TRMT1L: variants seen among roughly 807,000 people sequenced by gnomAD.
TRMT1L encodes tRNA methyltransferase 1L, also known as tRNA (guanine(27)-N(2))-dimethyltransferase.
Under a neutral mutation model 81.6 loss-of-function variants are expected in TRMT1L, and 28 were observed. The ratio of observed to expected loss-of-function variants is 0.34; its 90% confidence interval spans 0.25 to 0.47. The LOEUF (loss-of-function observed/expected upper bound fraction) is 0.47. Among genes scored for constraint, TRMT1L ranks in the 20% least tolerant of loss-of-function variants. TRMT1L has a pLI of 1.00. For missense variants in TRMT1L, 739 were observed against 877.1 expected, an observed-to-expected ratio of 0.84 and a Z score of 1.99; for synonymous variants, 301 against 303.2, an observed-to-expected ratio of 0.99 and a Z score of 0.07.
chr1:185,120,577 T>C (rs1020504746), intron 13 of TRMT1L, 68 bp from the exon 14 acceptor site: 8 of 1,325,994 alleles, frequency 6.0e-6, no homozygotes, highest in Non-Finnish European at 6.9e-6. Context: ...TATAACTATA[T>C]ATTTATCTCA....
Position 185,139,291 on chromosome 1 carries a change from G to A in TRMT1L, c.1322+76C>T, listed in dbSNP as rs1041522705. ...ATATTTTGTGCATATTTTGAATAAG[G>A]TAAGTACTTCTTGTAATATTATCTC... On this transcript the variant is annotated intron_variant, in intron 9 of 14. Coordinates refer to ENST00000367506, the MANE Select transcript of TRMT1L (RefSeq NM_030934.5). The A allele has an allele frequency of 5.8e-6, 7 of 1,216,926 alleles. No homozygotes were observed. The African/African-American group carries it at 7.6e-5, about 13-fold the overall frequency. The allele number at this position is 1,216,926 out of a possible 1,614,324, so 75.4% of individuals were successfully genotyped here. A position where few individuals can be genotyped will look rare whatever the true frequency, so the allele number is the denominator to read the frequency against.
intron 3 of TRMT1L, among the ~76,000 whole-genome samples, chr1:185,149,246 A>G (rs759636352): frequency 6.6e-6 from 1 of 151,952 alleles, no homozygotes; most frequent in Non-Finnish European, 1.5e-5. Context: ...TTACTAAGTA[A>G]ATATTGCAAT....
intron 5 of TRMT1L, 150 bp downstream of exon 5, chr1:185,145,289 G>A: frequency 1.3e-6 from 1 of 767,400 alleles, no homozygotes; most frequent in Non-Finnish European, 1.9e-6. Context: ...AGACCTTACA[G>A]AAAGAAACCA....
Position 185,128,757 on chromosome 1 carries a change from G to A in TRMT1L, c.1514-10C>T, listed in dbSNP as rs764551983. ...TGTCTATATGGGTTTTCTGTAAAAAGATAATAAAAGGAGAAATCAAAGGAG... is the reference window on the plus strand; with the variant it reads ...TGTCTATATGGGTTTTCTGTAAAAAAATAATAAAAGGAGAAATCAAAGGAG... On this transcript the variant is annotated splice_polypyrimidine_tract_variant and intron_variant, in intron 10 of 14. Transcript: ENST00000367506. 6.3e-7 allele frequency: 1 copy of A among 1,593,016 alleles called. No individual in the cohort carries two copies. The highest frequency in any genetic ancestry group is 1.8e-5 in the Admixed American group (1 of 54,366).
chr1:185,121,238 T>A (rs1045877687), intron 13 of TRMT1L, among the ~76,000 whole-genome samples: 1 of 152,220 alleles, frequency 6.6e-6, no homozygotes, highest in Non-Finnish European at 1.5e-5. Flanking sequence ...ATTATTTATA[T>A]ATGAACGTTA....
chr1:185,119,798 T>C lies in TRMT1L; in HGVS notation c.*221A>G, dbSNP rs886659346. 2.2e-6 allele frequency: 1 copy of C among 464,458 alleles called. No individual in the cohort carries two copies. The highest frequency in any genetic ancestry group is 3.8e-6 in the Non-Finnish European group (1 of 266,282). 28.8% of individuals were successfully genotyped at this position (464,458 alleles called of 1,614,324 possible). On this transcript the variant is annotated 3_prime_UTR_variant, in exon 15 of 15. Transcript: ENST00000367506. ...CAGTGAGACTTGGCTTCATATGAAATGTTTCCATTAAAATTTTAAGTTTGC... is the reference window on the plus strand; with the variant it reads ...CAGTGAGACTTGGCTTCATATGAAACGTTTCCATTAAAATTTTAAGTTTGC...
At position 185,124,584 on chromosome 1, in the gene TRMT1L, G is replaced by A. The variant is rs1652576609; in HGVS notation, c.1759+360C>T. The stretch of plus-strand genomic sequence containing the variant: ...CATGCTTGTGGTCCCAGCTACACAG[G>A]AGGTTGAGGCTGAGGCAAGAGGACT... On this transcript the variant is annotated intron_variant, in intron 12 of 14. Coordinates refer to ENST00000367506, the MANE Select transcript of TRMT1L (RefSeq NM_030934.5). Among the ~76,000 whole-genome samples the A allele has an allele frequency of 1.3e-5, 2 of 151,734 alleles. 1 individual carries two copies. Among genetic ancestry groups the A allele is most frequent in the Non-Finnish European group, 2.9e-5 (2 of 67,924 alleles).
chr1:185,129,184 A>G (rs12035433), intron 10 of TRMT1L, among the ~76,000 whole-genome samples: 15,168 of 152,176 alleles, frequency 0.1, 984 homozygotes, highest in East Asian at 0.25. Context: ...TTAACTGATT[A>G]AGGTATAATT....
chr1:185,147,569 T>C (rs1653223065), intron 3 of TRMT1L, among the ~76,000 whole-genome samples: 1 of 152,172 alleles, frequency 6.6e-6, no homozygotes, highest in Non-Finnish European at 1.5e-5. Flanking sequence ...CTCTGCCACC[T>C]TGACTTTTTC....
chr1:185,150,348 ATTAC>A (rs1397428089), intron 3 of TRMT1L, 27 bp downstream of exon 3: 3 of 1,465,568 alleles, frequency 2.0e-6, no homozygotes, highest in South Asian at 1.2e-5. Context: ...TTTCATATAT[ATTAC>A]TTCTTTGCAA....
Position 185,124,974 on chromosome 1 carries a change from T to C in TRMT1L, c.1729A>G (p.Ile577Val), listed in dbSNP as rs757495654. The change falls in exon 12 of 15, where the codon ATT (isoleucine) becomes GTT (valine). Residue 577 changes from isoleucine (I) to valine (V), a missense_variant. Physicochemically the swap from Ile to Val is conservative, Grantham distance 29 (BLOSUM62 3). Around this residue, in one of 4 missense-constraint regions of TRMT1L, gnomAD observed 196 missense variants for 232.6 expected, o/e 0.84. Transcript: ENST00000367506. ...TTGTTGACATTTGAAGATGCATGAA[T>C]TGAAAACTGACTTTGAGGCGTACAC... ...SECTPQSQFS[I>V]HASSNVNKQE... The C allele has an allele frequency of 1.9e-6, 3 of 1,611,886 alleles. No individual in the cohort carries two copies. The highest frequency in any genetic ancestry group is 2.2e-5 in the East Asian group (1 of 44,744).
chr1:185,156,220 C>T (rs147753320), intron 1 of TRMT1L, among the ~76,000 whole-genome samples: 5 of 152,238 alleles, frequency 3.3e-5, no homozygotes, highest in African/African-American at 1.2e-4. Flanking sequence ...AAGCCCTTAA[C>T]CTCATTATTT....
At chr1:185,154,995 T>C (rs900219503) in intron 1 of TRMT1L, among the ~76,000 whole-genome samples, 2 of 152,220 alleles carry the variant, frequency 1.3e-5, no homozygotes, top group Non-Finnish European at 2.9e-5. Context: ...TAGTTATGAC[T>C]GATTTCAAAG....
chr1:185,138,923 G>A (rs2102244282), intron 9 of TRMT1L, among the ~76,000 whole-genome samples: 1 of 152,254 alleles, frequency 6.6e-6, no homozygotes, highest in Middle Eastern at 3.4e-3. Flanking sequence ...TCGTAGCTGT[G>A]ATTACAGGTG....
chr1:185,124,341 GT>G (rs145314848), intron 12 of TRMT1L, among the ~76,000 whole-genome samples: 20 of 146,754 alleles, frequency 1.4e-4, no homozygotes, highest in African/African-American at 2.5e-4. Flanking sequence ...GACCTTTAGT[GT>G]TTTTTTTTTC....
chr1:185,137,781 G>C lies in TRMT1L; in HGVS notation c.1338C>G (p.Cys446Trp). Residue 446 changes from cysteine to tryptophan, a missense_variant, in exon 10 of 15, where the codon TGC becomes TGG. By Grantham distance (215) the Cys-to-Trp change is radical. Transcript: ENST00000367506. ...CAAACAGTACTTCTATGCCTTTGTT[G>C]CATCGGGCTGCAGCTCTACAATAAA... ...VAAVARAAARCNKGIEVLFAV... is the reference protein window; with the variant it reads ...VAAVARAAARWNKGIEVLFAV... 2.5e-6 allele frequency: 4 copies of C among 1,612,956 alleles called. No homozygotes were observed. The highest frequency in any genetic ancestry group is 3.4e-6 in the Non-Finnish European group (4 of 1,179,762).
intron 12 of TRMT1L, 76 bp from the exon 13 acceptor site, chr1:185,123,995 T>C: frequency 2.4e-6 from 2 of 827,858 alleles, no homozygotes; most frequent in Non-Finnish European, 3.6e-6. Flanking sequence ...TAAATAAAAG[T>C]TTATGAAATT....
chr1:185,156,882 G>A lies in TRMT1L; in HGVS notation c.-170C>T, dbSNP rs1653620224. 5.4e-6 allele frequency: 5 copies of A among 919,430 alleles called. No individual in the cohort carries two copies. The highest frequency in any genetic ancestry group is 6.2e-6 in the Non-Finnish European group (4 of 642,560). The allele number at this position is 919,430 out of a possible 1,614,324, so 57.0% of individuals were successfully genotyped here. ...GATGAAGAACCAGTGACCAAATCCT[G>A]TTAGTAGAAAACAGAAAGCCAGAGG... On this transcript the variant is annotated 5_prime_UTR_variant, in exon 1 of 15. Coordinates refer to ENST00000367506, the MANE Select transcript of TRMT1L (RefSeq NM_030934.5).
intron 3 of TRMT1L, 118 bp downstream of exon 3, chr1:185,150,261 A>T: frequency 1.5e-6 from 1 of 686,990 alleles, no homozygotes; most frequent in Non-Finnish European, 2.5e-6. Flanking sequence ...TGAGGGCATT[A>T]AACCCCTCAC....
Sources: gnomAD v4.1 joint callset for allele counts (sites outside exome capture counted in the v4.1 genomes callset) on GRCh38, gnomAD v4.1.1 for gene constraint, gnomAD v4.1.1 regional missense constraint, MANE v1.5 for transcripts, NCBI Gene and HGNC (gene_info 2026-07-23, HGNC 2026-07-21) for gene names.